JAKMIP1: variants seen among roughly 807,000 people sequenced by gnomAD.
The protein encoded by JAKMIP1 is janus kinase and microtubule-interacting protein 1.
In JAKMIP1, 33 loss-of-function variants were observed where a neutral mutation model predicts 113.0. That is an observed-to-expected ratio of 0.29 (90% CI 0.22 to 0.39). The LOEUF is 0.39. JAKMIP1 is among the 10% of genes least tolerant of loss of function. The pLI is 1.00. For missense variants in JAKMIP1, 813 were observed against 1,080.5 expected (o/e 0.75, Z 3.47); for synonymous variants, 480 against 459.9 (o/e 1.04, Z -0.56).
Position 6,080,603 on chromosome 4 carries a change from A to G in JAKMIP1, c.1102-291T>C, listed in dbSNP as rs770146424. Reference sequence around the variant, plus strand: ...TGAATAAGTCTCTGATGTTTTTATAAGGGTTTTCCCCTTTTACTTGGCTCT... The same window carrying G: ...TGAATAAGTCTCTGATGTTTTTATAGGGGTTTTCCCCTTTTACTTGGCTCT... On this transcript the variant is annotated intron_variant, in intron 6 of 20. Coordinates refer to ENST00000409021, the MANE Select transcript of JAKMIP1 (RefSeq NM_001099433.2). The surrounding 1 kb of genome is among the most constrained non-coding windows in gnomAD (Gnocchi z 6.0). Among the ~76,000 whole-genome samples the G allele has an allele frequency of 6.6e-6, 1 of 152,090 alleles. No homozygotes were observed.
At chr4:6,146,352 G>A (rs1720846040) in intron 1 of JAKMIP1, among the ~76,000 whole-genome samples, 3 of 152,210 alleles carry the variant, frequency 2.0e-5, no homozygotes, top group Admixed American at 2.0e-4. Flanking sequence ...GAGAGCAGTG[G>A]CACAATCATG....
At chr4:6,056,087 A>G (rs1237252568) in intron 12 of JAKMIP1, among the ~76,000 whole-genome samples, 28 of 103,454 alleles carry the variant, frequency 2.7e-4, no homozygotes, top group African/African-American at 5.1e-4. Flanking sequence ...ATTTCTGCAG[A>G]GTGTCCCTAG....
intron 1 of JAKMIP1, among the ~76,000 whole-genome samples, chr4:6,190,967 C>G (rs1727193750): frequency 6.6e-6 from 1 of 152,208 alleles, no homozygotes; most frequent in African/African-American, 2.4e-5. Flanking sequence ...AGTCAACTGC[C>G]CTCGGCAATC....
At chr4:6,114,729 A>G (rs11930138) in intron 1 of JAKMIP1, among the ~76,000 whole-genome samples, 37,953 of 152,118 alleles carry the variant, frequency 0.25, 4,966 homozygotes, top group Middle Eastern at 0.27. Context: ...ACAAGTATGA[A>G]CTCCATTCGC....
In JAKMIP1 at chr4:6,040,937, C is replaced by G. The variant is rs1402076295; in HGVS notation, c.2098-221G>C. 6.6e-6 allele frequency among the ~76,000 whole-genome samples: 1 copy of G among 152,164 alleles called. No individual in the cohort carries two copies. The highest frequency in any genetic ancestry group is 2.4e-5 in the African/African-American group (1 of 41,444). On this transcript the variant is annotated intron_variant, in intron 17 of 20. Coordinates refer to ENST00000409021, the MANE Select transcript of JAKMIP1 (RefSeq NM_001099433.2). The surrounding 1 kb of genome is among the most constrained non-coding windows in gnomAD (Gnocchi z 5.8). Reference sequence around the variant, plus strand: ...GCCACACCTGGATCCTTGGTGAAGACTATCCCATTCCTCCTGCTTCCCTGC... The same window carrying G: ...GCCACACCTGGATCCTTGGTGAAGAGTATCCCATTCCTCCTGCTTCCCTGC...
chr4:6,133,104 T>C lies in JAKMIP1; in HGVS notation c.-147-20107A>G, dbSNP rs114914983. Among the ~76,000 whole-genome samples the C allele has an allele frequency of 7.5e-3, 1,147 of 152,178 alleles. 17 individuals carry two copies. The highest frequency in any genetic ancestry group is 0.026 in the African/African-American group (1,092 of 41,508). ...ATTATAAAAATGATACTCAAGGAGC[T>C]CATAATGAAATAATATGGCCCAACA... is the stretch of plus-strand genomic sequence containing the variant. On this transcript the variant is annotated intron_variant, in intron 1 of 20. Coordinates refer to ENST00000409021, the MANE Select transcript of JAKMIP1 (RefSeq NM_001099433.2).
rs151204351 is a variant in JAKMIP1, at chr4:6,174,640, C to A, written c.-148+25613G>T. ...CTGCTGCAGCCCTCAGTTTCCCCAT[C>A]TCTAGAGCCTTAAGTCTTCCCCGAA... On this transcript the variant is annotated intron_variant, in intron 1 of 20. Coordinates refer to ENST00000409021, the MANE Select transcript of JAKMIP1 (RefSeq NM_001099433.2). Among the ~76,000 whole-genome samples the A allele has an allele frequency of 2.7e-3, 405 of 152,270 alleles. 3 individuals are homozygous for A. Among genetic ancestry groups the A allele is most frequent in the African/African-American group, 8.9e-3 (371 of 41,556 alleles).
In JAKMIP1 at chr4:6,081,954, G is replaced by A. The variant is rs756884389; in HGVS notation, c.955-199C>T. Reference sequence around the variant, plus strand: ...TCCTCATCTATCAAATGAGAATCACGGCAGCTCCTGTCTCCTAGGCACATG... The same window carrying A: ...TCCTCATCTATCAAATGAGAATCACAGCAGCTCCTGTCTCCTAGGCACATG... On this transcript the variant is annotated intron_variant, in intron 5 of 20. Transcript: ENST00000409021. The surrounding 1 kb of genome is among the most constrained non-coding windows in gnomAD (Gnocchi z 4.6). Among the ~76,000 whole-genome samples, 3 of 152,116 alleles carry A rather than the reference G, an allele frequency of 2.0e-5. No homozygotes were observed. The highest frequency in any genetic ancestry group is 4.4e-5 in the Non-Finnish European group (3 of 68,032).
intron 2 of JAKMIP1, among the ~76,000 whole-genome samples, chr4:6,112,272 C>A (rs776215701): frequency 1.3e-5 from 2 of 152,196 alleles, no homozygotes; most frequent in Non-Finnish European, 2.9e-5. Context: ...ACCCATGGAT[C>A]AAGGGTCAAG....
chr4:6,062,088 G>A (rs1346588648), intron 10 of JAKMIP1, among the ~76,000 whole-genome samples: 2 of 152,224 alleles, frequency 1.3e-5, no homozygotes, highest in East Asian at 1.9e-4. Context: ...GATATGTAGC[G>A]TTGCTTCCTC....
chr4:6,043,191 C>A (rs934311088), intron 16 of JAKMIP1, among the ~76,000 whole-genome samples: 19 of 151,934 alleles, frequency 1.3e-4, no homozygotes, highest in African/African-American at 4.6e-4. Flanking sequence ...CTGCGGAGCG[C>A]CCTCTTTCCC....
rs1435706886 is a variant in JAKMIP1 at position 6,184,648 on chromosome 4, G to T, written c.-148+15605C>A. Among the ~76,000 whole-genome samples the T allele has an allele frequency of 2.0e-5, 3 of 152,190 alleles. No homozygotes were observed. Among genetic ancestry groups the T allele is most frequent in the Non-Finnish European group, 4.4e-5 (3 of 68,038 alleles). The stretch of plus-strand genomic sequence containing the variant: ...CCTGTAGATTCAGCAAGAGAGCAGG[G>T]GTGATTGTGCCTATCGAAGGGAAGC... On this transcript the variant is annotated intron_variant, in intron 1 of 20. Coordinates refer to ENST00000409021, the MANE Select transcript of JAKMIP1 (RefSeq NM_001099433.2). The surrounding 1 kb of genome is among the most constrained non-coding windows in gnomAD (Gnocchi z 4.5).
intron 3 of JAKMIP1, among the ~76,000 whole-genome samples, chr4:6,099,603 T>C (rs528369446): frequency 2.2e-4 from 34 of 152,372 alleles, no homozygotes; most frequent in African/African-American, 7.5e-4. Context: ...CACTTGTGTT[T>C]TGAATACACT....
Position 6,116,792 on chromosome 4 carries a change from T to C in JAKMIP1, c.-147-3795A>G, listed in dbSNP as rs1228871274. Among the ~76,000 whole-genome samples the C allele has an allele frequency of 6.6e-6, 1 of 152,100 alleles. No individual in the cohort carries two copies. The highest frequency in any genetic ancestry group is 2.4e-5 in the African/African-American group (1 of 41,402). ...TCAGGAACACCACTATGGAAATGAATACATAAAACAATGATGGCTTGTGGT... is the reference window on the plus strand; with the variant it reads ...TCAGGAACACCACTATGGAAATGAACACATAAAACAATGATGGCTTGTGGT... On this transcript the variant is annotated intron_variant, in intron 1 of 20. Transcript: ENST00000409021. The surrounding 1 kb of genome is among the most constrained non-coding windows in gnomAD (Gnocchi z 5.1).
chr4:6,034,725 T>C (rs996637237), intron 19 of JAKMIP1, among the ~76,000 whole-genome samples: 2 of 152,128 alleles, frequency 1.3e-5, no homozygotes, highest in Admixed American at 6.6e-5. Flanking sequence ...TTGCTTGACC[T>C]GGGAGGCAGA....
chr4:6,061,457 C>A lies in JAKMIP1; in HGVS notation c.1560+855G>T, dbSNP rs946698710. ...TTGCCATCAGATTTGCCAGGCAATG[C>A]CCCATTCTGGCCCATCGCCTTTAAG... is the stretch of plus-strand genomic sequence containing the variant. On this transcript the variant is annotated intron_variant, in intron 10 of 20. Transcript: ENST00000409021. The surrounding 1 kb of genome is among the most constrained non-coding windows in gnomAD (Gnocchi z 5.3). Among the ~76,000 whole-genome samples the A allele has an allele frequency of 6.6e-6, 1 of 152,170 alleles. No individual in the cohort carries two copies. The highest frequency in any genetic ancestry group is 1.5e-5 in the Non-Finnish European group (1 of 68,042).
rs1027355428 is a variant in JAKMIP1, at chr4:6,143,877, C to T, written c.-147-30880G>A. The stretch of plus-strand genomic sequence containing the variant: ...GACCCAGGCCAGGCAAGCCCCATCC[C>T]TTCCATTGATTGGCTGATGGCTCTG... On this transcript the variant is annotated intron_variant, in intron 1 of 20. Coordinates refer to ENST00000409021, the MANE Select transcript of JAKMIP1 (RefSeq NM_001099433.2). The surrounding 1 kb of genome is among the most constrained non-coding windows in gnomAD (Gnocchi z 4.9). 6.6e-6 allele frequency among the ~76,000 whole-genome samples: 1 copy of T among 152,240 alleles called. No individual in the cohort carries two copies. Among genetic ancestry groups the T allele is most frequent in the Non-Finnish European group, 1.5e-5 (1 of 68,048 alleles).
chr4:6,071,476 A>T (rs1718953141), intron 8 of JAKMIP1, among the ~76,000 whole-genome samples: 1 of 152,210 alleles, frequency 6.6e-6, no homozygotes, highest in Non-Finnish European at 1.5e-5. Flanking sequence ...CCTCTGCAGC[A>T]GCTTCTCCCT....
At position 6,076,613 on chromosome 4, in the gene JAKMIP1, C is replaced by T. The variant is rs1457503223; in HGVS notation, c.1302+2326G>A. On this transcript the variant is annotated intron_variant, in intron 8 of 20. Transcript: ENST00000409021. This position sits in a 1 kb window ranked among gnomAD's most constrained non-coding sequence, Gnocchi z 4.8. ...GAGGCAGCCTGGGAGCCAAATTGCA[C>T]CCATAGATATATTTTATGTGGCCCA... Among the ~76,000 whole-genome samples the T allele has an allele frequency of 6.6e-6, 1 of 152,036 alleles. No individual in the cohort carries two copies. The highest frequency in any genetic ancestry group is 2.4e-5 in the African/African-American group (1 of 41,394).
Sources: gnomAD v4.1 joint callset for allele counts (sites outside exome capture counted in the v4.1 genomes callset) on GRCh38, gnomAD v4.1.1 for gene constraint, Gnocchi (gnomAD v3.1) non-coding constraint, MANE v1.5 for transcripts, NCBI Gene and HGNC (gene_info 2026-07-23, HGNC 2026-07-21) for gene names.